The following PDE1A variants were observed in gnomAD, a reference collection of about 807,000 sequenced individuals.
The protein encoded by PDE1A is dual specificity calcium/calmodulin-dependent 3',5'-cyclic nucleotide phosphodiesterase 1A.
Under a neutral mutation model 61.7 loss-of-function variants are expected in PDE1A, and 35 were observed. That is an observed-to-expected ratio of 0.57 (90% CI 0.43 to 0.75). The LOEUF (loss-of-function observed/expected upper bound fraction) is 0.75. PDE1A is among the 30% of genes least tolerant of loss of function. The pLI is 0.00. For missense variants in PDE1A, 597 were observed against 630.6 expected, an observed-to-expected ratio of 0.95 and a Z score of 0.57; for synonymous variants, 232 against 213.2, an observed-to-expected ratio of 1.09 and a Z score of -0.77.
chr2:182,168,028 A>G, exon 14 of PDE1A: 1 of 1,244,142 alleles, frequency 8.0e-7, no homozygotes, highest in Non-Finnish European at 1.0e-6. Flanking sequence ...GTGCTGATGT[A>G]GCCACTAGAT....
chr2:182,166,853 A>G (rs184734298), downstream of PDE1A, among the ~76,000 whole-genome samples: 23 of 152,302 alleles, frequency 1.5e-4, no homozygotes, highest in Non-Finnish European at 2.8e-4. Flanking sequence ...TTCTTAGCTA[A>G]TTAATTATTG....
At chr2:182,551,438 G>T in the PDE1A span, among the ~76,000 whole-genome samples, 1 of 152,178 alleles carries the variant, frequency 6.6e-6, no homozygotes, top group Non-Finnish European at 1.5e-5. Flanking sequence ...GAGAAAAGCA[G>T]TGGGTGTCGT....
chr2:182,246,024 C>T (rs1011765749), intron 2 of PDE1A, among the ~76,000 whole-genome samples: 1 of 152,176 alleles, frequency 6.6e-6, no homozygotes, highest in African/African-American at 2.4e-5. Flanking sequence ...TGCTCCTGAC[C>T]CCTGTCAGTC....
At chr2:182,465,414 T>C (rs1238753242) in intron 2 of PDE1A, among the ~76,000 whole-genome samples, 3 of 124,406 alleles carry the variant, frequency 2.4e-5, no homozygotes. Flanking sequence ...AAAATTTTAA[T>C]TTTTTTTTTA....
chr2:182,240,384 T>C (rs1690407118), intron 2 of PDE1A, 92 bp from the exon 3 acceptor site: 1 of 717,854 alleles, frequency 1.4e-6, no homozygotes, highest in Non-Finnish European at 2.1e-6. Flanking sequence ...ATTTAAAATA[T>C]AGCCAATCAC....
At chr2:182,693,953 C>T in the PDE1A span, among the ~76,000 whole-genome samples, 1 of 152,256 alleles carries the variant, frequency 6.6e-6, no homozygotes, top group South Asian at 2.1e-4. Context: ...GGCCTCTTGA[C>T]AGTGTTTTTA....
chr2:182,372,768 T>G (rs1700186378), intron 1 of PDE1A, among the ~76,000 whole-genome samples: 1 of 152,214 alleles, frequency 6.6e-6, no homozygotes, highest in African/African-American at 2.4e-5. Context: ...ACTGGCTGAT[T>G]GCTCAGGAGT....
the PDE1A span, among the ~76,000 whole-genome samples, chr2:182,688,685 C>T: frequency 6.6e-6 from 1 of 152,152 alleles, no homozygotes; most frequent in Non-Finnish European, 1.5e-5. Flanking sequence ...ACAATACTAA[C>T]CTTAAATGTA....
the PDE1A span, among the ~76,000 whole-genome samples, chr2:182,672,425 A>G: frequency 1.3e-5 from 2 of 152,256 alleles, no homozygotes; most frequent in Non-Finnish European, 2.9e-5. Flanking sequence ...GTTGACAAAT[A>G]ACTCAGAAAC....
chr2:182,694,361 G>A, the PDE1A span, among the ~76,000 whole-genome samples: 1 of 152,184 alleles, frequency 6.6e-6, no homozygotes, highest in Non-Finnish European at 1.5e-5. Flanking sequence ...CAGTACTGCA[G>A]AGTCTTGATG....
At chr2:182,351,267 A>G (rs1310676718) in intron 1 of PDE1A, among the ~76,000 whole-genome samples, 1 of 152,188 alleles carries the variant, frequency 6.6e-6, no homozygotes, top group Non-Finnish European at 1.5e-5. Context: ...TAGTCATCTA[A>G]ATTTCCATTT....
rs887090636 is a variant in PDE1A at position 182,314,776 on chromosome 2, T to G, written c.54-50362A>C. Reference sequence around the variant, plus strand: ...TGTGATCTTGATTGGAGTAGTAATTTGATGAATATATATCAAAGCTTATCA... The same window carrying G: ...TGTGATCTTGATTGGAGTAGTAATTGGATGAATATATATCAAAGCTTATCA... On this transcript the variant is annotated intron_variant, in intron 1 of 13. Coordinates refer to ENST00000351439, the Ensembl canonical transcript of PDE1A. Among the ~76,000 whole-genome samples, 9 of 148,712 alleles carry G rather than the reference T, an allele frequency of 6.1e-5. No homozygotes were observed. The Admixed American group carries it at 6.2e-4, about 10-fold the overall frequency.
intron 2 of PDE1A, among the ~76,000 whole-genome samples, chr2:182,482,461 T>C (rs1249217999): frequency 1.3e-5 from 2 of 151,928 alleles, no homozygotes; most frequent in African/African-American, 4.8e-5. Flanking sequence ...ATTCAAAATG[T>C]TAGAGACTTC....
intron 2 of PDE1A, among the ~76,000 whole-genome samples, chr2:182,465,723 A>G (rs1432424441): frequency 6.6e-6 from 1 of 152,214 alleles, no homozygotes; most frequent in East Asian, 1.9e-4. Flanking sequence ...TTATCCACAG[A>G]CAAACATGGA....
At chr2:182,488,057 TA>T (rs1400895028) in intron 2 of PDE1A, among the ~76,000 whole-genome samples, 2 of 152,194 alleles carry the variant, frequency 1.3e-5, no homozygotes, top group Non-Finnish European at 2.9e-5. Context: ...AACAAAAAAG[TA>T]TAAGTTGAAT....
intron 3 of PDE1A, 137 bp from the exon 4 acceptor site, chr2:182,234,635 AATG>A (rs1689861257): frequency 3.3e-6 from 2 of 597,626 alleles, no homozygotes; most frequent in African/African-American, 1.9e-5. Flanking sequence ...TTGTGTCAAT[AATG>A]ATAACTATAG....
the PDE1A span, among the ~76,000 whole-genome samples, chr2:182,556,191 T>C: frequency 2.6e-5 from 4 of 152,142 alleles, no homozygotes; most frequent in East Asian, 3.9e-4. Flanking sequence ...TTTGAGATGG[T>C]AGCTACAAAC....
chr2:182,172,558 T>C (rs1166716365), intron 13 of PDE1A, among the ~76,000 whole-genome samples: 1 of 152,024 alleles, frequency 6.6e-6, no homozygotes, highest in African/African-American at 2.4e-5. Context: ...TTAAATGTCC[T>C]CTCCACCTCC....
At chr2:182,649,119 A>G in the PDE1A span, among the ~76,000 whole-genome samples, 5 of 152,210 alleles carry the variant, frequency 3.3e-5, no homozygotes, top group South Asian at 1.0e-3. Context: ...TATCATCTTC[A>G]GGCATAGAAA....
Sources: gnomAD v4.1 joint callset for allele counts (sites outside exome capture counted in the v4.1 genomes callset) on GRCh38, gnomAD v4.1.1 for gene constraint, MANE v1.5 for transcripts, NCBI Gene and HGNC (gene_info 2026-07-23, HGNC 2026-07-21) for gene names.